SACM1L: variants seen among roughly 807,000 people sequenced by gnomAD.
The protein encoded by SACM1L is SAC1 like phosphatidylinositide phosphatase.
SACM1L carries 32 observed loss-of-function variants against 89.5 expected under a neutral mutation model. The observed-to-expected ratio is 0.36, with a 90% confidence interval of 0.27 to 0.48. The LOEUF (loss-of-function observed/expected upper bound fraction) is 0.48. SACM1L is among the 20% of genes least tolerant of loss of function. SACM1L has a pLI of 0.99. For missense variants in SACM1L, 543 were observed against 708.5 expected, an observed-to-expected ratio of 0.77 and a Z score of 2.65; for synonymous variants, 213 against 232.8, an observed-to-expected ratio of 0.92 and a Z score of 0.77.
chr3:45,701,312 C>G (rs71325084), intron 1 of SACM1L, among the ~76,000 whole-genome samples: 4,745 of 152,220 alleles, frequency 0.031, 129 homozygotes, highest in East Asian at 0.15. Flanking sequence ...AATTCCGTGC[C>G]TACCATCAGT....
intron 7 of SACM1L, among the ~76,000 whole-genome samples, chr3:45,719,182 G>A (rs1045503683): frequency 6.6e-6 from 1 of 152,038 alleles, no homozygotes; most frequent in African/African-American, 2.4e-5. Context: ...TCCATTCAGA[G>A]TAGATTTTTC....
rs993920627 is a variant in SACM1L, at chr3:45,722,182, T to C, written c.765+97T>C. ...TGAAATTTCCCTCTTTTCCCTTCTC[T>C]GTTCTTATGTAATATTTTTATCTAT... is the stretch of plus-strand genomic sequence containing the variant. On this transcript the variant is annotated intron_variant, in intron 9 of 19. Transcript: ENST00000389061. The C allele has an allele frequency of 1.5e-5, 11 of 738,158 alleles. No individual in the cohort carries two copies. In the East Asian group the frequency reaches 2.0e-4, roughly 13 times the overall value. 45.7% of individuals were successfully genotyped at this position (738,158 alleles called of 1,614,324 possible).
chr3:45,705,833 A>C (rs2125687451), intron 3 of SACM1L, among the ~76,000 whole-genome samples: 1 of 152,322 alleles, frequency 6.6e-6, no homozygotes, highest in Middle Eastern at 3.4e-3. Flanking sequence ...GCATCAGTGG[A>C]ACAGGGTATT....
At chr3:45,689,759 C>T in intron 1 of SACM1L, 1 of 585,800 alleles carries the variant, frequency 1.7e-6, no homozygotes, top group Non-Finnish European at 3.0e-6. Context: ...GACTGGCCCC[C>T]ACCGAGCCGG....
At chr3:45,699,326 TAAAAATAA>T (rs1180464051) in intron 1 of SACM1L, among the ~76,000 whole-genome samples, 6 of 151,404 alleles carry the variant, frequency 4.0e-5, no homozygotes, top group African/African-American at 7.2e-5. Context: ...GCAGTAATGG[TAAAAATAA>T]AAAAATAAAA....
intron 1 of SACM1L, chr3:45,689,839 T>C (rs968311562): frequency 1.3e-5 from 6 of 464,400 alleles, no homozygotes; most frequent in African/African-American, 1.0e-4. Flanking sequence ...ACCGACTAAA[T>C]TTATCTGTAT....
intron 2 of SACM1L, among the ~76,000 whole-genome samples, chr3:45,704,201 T>A (rs192790434): frequency 6.6e-5 from 10 of 152,334 alleles, no homozygotes. Flanking sequence ...AATTTCATAT[T>A]TCACTTGTTT....
Position 45,735,274 on chromosome 3 carries a change from C to A in SACM1L, c.1140C>A (p.Asn380Lys). 6.2e-7 allele frequency: 1 copy of A among 1,612,924 alleles called. No homozygotes were observed. Residue 380 changes from asparagine to lysine, a missense_variant, in exon 14 of 20, where the codon AAC becomes AAA. This residue lies in a region of SACM1L where 370 missense variants were observed against 527.6 expected (regional missense o/e 0.70). Transcript: ENST00000389061. ...LVDSAGQVVA[N>K]QEGVFRSNCM... Reference sequence around the variant, plus strand: ...ACTCTGCTGGCCAGGTGGTGGCAAACCAGGAAGGCGTGTTCCGAAGCAATT... The same window carrying A: ...ACTCTGCTGGCCAGGTGGTGGCAAAACAGGAAGGCGTGTTCCGAAGCAATT...
chr3:45,745,343 C>T lies in SACM1L; in HGVS notation c.*1674C>T, dbSNP rs1699403089. 6.6e-6 allele frequency: 1 copy of T among 152,566 alleles called. No individual in the cohort carries two copies. Among genetic ancestry groups the T allele is most frequent in the South Asian group, 2.1e-4 (1 of 4,824 alleles). 9.5% of individuals were successfully genotyped at this position (152,566 alleles called of 1,614,324 possible). A position where few individuals can be genotyped will look rare whatever the true frequency, so the allele number is the denominator to read the frequency against. ...GTATCAGTATTTCAGAATCCTGCGACGATTTTATTTCTAAATTCATGTACT... is the reference window on the plus strand; with the variant it reads ...GTATCAGTATTTCAGAATCCTGCGATGATTTTATTTCTAAATTCATGTACT... On this transcript the variant is annotated 3_prime_UTR_variant, in exon 20 of 20. Coordinates refer to ENST00000389061, the MANE Select transcript of SACM1L (RefSeq NM_014016.5).
chr3:45,689,643 C>G, intron 1 of SACM1L, 146 bp downstream of exon 1: 5 of 970,102 alleles, frequency 5.2e-6, no homozygotes, highest in Non-Finnish European at 7.8e-6. Context: ...CCGGCGCGGC[C>G]TCTCCTAGGC....
chr3:45,723,543 G>A lies in SACM1L; in HGVS notation c.921G>A (p.Leu307=). The change falls in exon 11 of 20, where the codon CTG becomes CTA. Residue 307 remains leucine (L), a splice_region_variant and synonymous_variant. Transcript: ENST00000389061. ...ATGGAAAACAAGTTATAATCAATCTGGTATGTTTCTTATGTTTCTTGGGGG... is the reference window on the plus strand; with the variant it reads ...ATGGAAAACAAGTTATAATCAATCTAGTATGTTTCTTATGTTTCTTGGGGG... ...IIYGKQVIIN[L]INQKGSEKPL... 6 of 1,442,304 alleles carry A rather than the reference G, an allele frequency of 4.2e-6. No homozygotes were observed. The highest frequency in any genetic ancestry group is 5.6e-6 in the Non-Finnish European group (6 of 1,071,662). The allele number at this position is 1,442,304 out of a possible 1,614,324, so 89.3% of individuals were successfully genotyped here.
chr3:45,701,178 A>G (rs1264811751), intron 1 of SACM1L, among the ~76,000 whole-genome samples: 2 of 152,106 alleles, frequency 1.3e-5, no homozygotes, highest in African/African-American at 4.8e-5. Context: ...ACCAGGGTCA[A>G]TTTTGAACAC....
chr3:45,689,748 C>A (rs1483451813), intron 1 of SACM1L: 2 of 588,572 alleles, frequency 3.4e-6, no homozygotes, highest in African/African-American at 1.9e-5. Flanking sequence ...GAGAAGCTGC[C>A]GACTGGCCCC....
At chr3:45,704,815 T>A (rs1445565717) in intron 2 of SACM1L, among the ~76,000 whole-genome samples, 1 of 152,238 alleles carries the variant, frequency 6.6e-6, no homozygotes, top group Non-Finnish European at 1.5e-5. Context: ...GATGAGCGAC[T>A]GACTTGCTGA....
intron 16 of SACM1L, 47 bp downstream of exon 16, chr3:45,737,891 C>T (rs769231472): frequency 6.7e-7 from 1 of 1,490,974 alleles, no homozygotes; most frequent in Non-Finnish European, 9.3e-7. Flanking sequence ...AGTTCACAGT[C>T]CTGGTGCTTT....
chr3:45,717,874 C>G (rs1013877189), intron 7 of SACM1L, among the ~76,000 whole-genome samples: 5 of 152,216 alleles, frequency 3.3e-5, no homozygotes, highest in African/African-American at 1.2e-4. Context: ...CATGATGGTG[C>G]CACTGCACTC....
At chr3:45,727,762 A>AT (rs1355748535) in intron 11 of SACM1L, among the ~76,000 whole-genome samples, 1 of 151,968 alleles carries the variant, frequency 6.6e-6, no homozygotes, top group African/African-American at 2.4e-5. Context: ...CACCTGGCTG[A>AT]TTTTTTGTAT....
chr3:45,734,503 C>G (rs554137461), intron 13 of SACM1L: 343 of 152,212 alleles, frequency 2.3e-3, no homozygotes, highest in African/African-American at 7.6e-3. Context: ...GTCACCCAGG[C>G]TGGAGTGCAG....
intron 1 of SACM1L, among the ~76,000 whole-genome samples, chr3:45,701,433 T>G (rs1698264149): frequency 6.6e-6 from 1 of 152,174 alleles, no homozygotes; most frequent in African/African-American, 2.4e-5. Context: ...GCGGTAGCCT[T>G]TTGGTAAATG....
Sources: gnomAD v4.1 joint callset for allele counts (sites outside exome capture counted in the v4.1 genomes callset) on GRCh38, gnomAD v4.1.1 for gene constraint, gnomAD v4.1.1 regional missense constraint, MANE v1.5 for transcripts, NCBI Gene and HGNC (gene_info 2026-07-23, HGNC 2026-07-21) for gene names.